Variants in EXT1 observed in about 807,000 individuals in gnomAD.
EXT1 encodes the protein exostosin-1.
In EXT1, 20 loss-of-function variants were observed where a neutral mutation model predicts 82.5. The observed-to-expected ratio is 0.24, with a 90% CI of 0.17 to 0.35. EXT1 has a LOEUF of 0.35. EXT1 is among the 10% of genes least tolerant of loss of function. The pLI is 1.00. For synonymous variants in EXT1, 348 were observed against 350.8 expected, an observed-to-expected ratio of 0.99 and a Z score of 0.09; for missense variants, 757 against 936.5, an observed-to-expected ratio of 0.81 and a Z score of 2.50.
intron 1 of EXT1, among the ~76,000 whole-genome samples, chr8:118,006,902 G>T (rs747487295): frequency 2.6e-5 from 4 of 152,170 alleles, no homozygotes; most frequent in African/African-American, 4.8e-5. Context: ...TGCAAGCGTA[G>T]GGCTGCCAAA....
At chr8:118,020,914 C>T (rs368291175) in intron 1 of EXT1, among the ~76,000 whole-genome samples, 40 of 152,292 alleles carry the variant, frequency 2.6e-4, no homozygotes, top group African/African-American at 8.9e-4. Context: ...GCAAATTCTT[C>T]GGCATCACGT....
rs17504246 is a variant in EXT1, at chr8:117,907,547, C to A, written c.963-70346G>T. Among the ~76,000 whole-genome samples, 389 of 152,274 alleles carry A rather than the reference C, an allele frequency of 2.6e-3. 2 individuals carry two copies. Among genetic ancestry groups the A allele is most frequent in the African/African-American group, 8.9e-3 (371 of 41,550 alleles). ...TTACTGTTGAGCACGCTAACACTTTCAGTAGTGACACTTAAAAATGGAAAG... is the reference window on the plus strand; with the variant it reads ...TTACTGTTGAGCACGCTAACACTTTAAGTAGTGACACTTAAAAATGGAAAG... On this transcript the variant is annotated intron_variant, in intron 1 of 10. Transcript: ENST00000378204.
intron 1 of EXT1, among the ~76,000 whole-genome samples, chr8:117,890,903 A>C (rs1231940578): frequency 6.6e-6 from 1 of 152,122 alleles, no homozygotes; most frequent in African/African-American, 2.4e-5. Flanking sequence ...AACCAGACAT[A>C]ATGGAGGGCA....
chr8:118,005,287 C>T (rs1815749960), intron 1 of EXT1, among the ~76,000 whole-genome samples: 1 of 152,178 alleles, frequency 6.6e-6, no homozygotes, highest in Admixed American at 6.5e-5. Context: ...TGTTATAGTG[C>T]TCAGCCCAAA....
Position 118,110,270 on chromosome 8 carries a change from G to A in EXT1, c.777C>T (p.Leu259=), listed in dbSNP as rs974372111. Residue 259 remains leucine, a synonymous_variant, in exon 1 of 11, where the codon CTC becomes CTT. Transcript: ENST00000378204. ...GFLKFNTIPP[L]RKYMLVFKGK... ...CCTTGAATACCAGCATGTACTTCCT[G>A]AGAGGAGGGATGGTGTTGAACTTCA... 6.2e-7 allele frequency: 1 copy of A among 1,614,112 alleles called. No homozygotes were observed. The highest frequency in any genetic ancestry group is 2.2e-5 in the East Asian group (1 of 44,872).
chr8:117,815,601 T>A (rs1334785813), intron 7 of EXT1, among the ~76,000 whole-genome samples: 4 of 152,128 alleles, frequency 2.6e-5, no homozygotes, highest in Admixed American at 2.0e-4. Flanking sequence ...TTAAGAAAGG[T>A]TTAGCTACCA....
intron 1 of EXT1, among the ~76,000 whole-genome samples, chr8:118,096,668 AAGGAAGGGAGGGAGGG>A (rs1563654929): frequency 1.1e-5 from 1 of 93,398 alleles, no homozygotes; most frequent in African/African-American, 5.3e-5. Flanking sequence ...GGAAGGAAGG[AAGGAAGGGAGGGAGGG>A]AGGGAGGGAA....
At chr8:117,980,731 T>TC (rs1815180360) in intron 1 of EXT1, among the ~76,000 whole-genome samples, 33 of 140,126 alleles carry the variant, frequency 2.4e-4, no homozygotes, top group African/African-American at 8.0e-4. Flanking sequence ...TTTTTTTTTT[T>TC]CCAGTGTGAG....
chr8:117,812,801 C>T (rs1823348948), intron 8 of EXT1, 71 bp downstream of exon 8: 2 of 1,320,730 alleles, frequency 1.5e-6, no homozygotes, highest in Non-Finnish European at 2.2e-6. Context: ...CTAAAAGAAG[C>T]ATTAGCATCG....
chr8:117,814,236 T>G (rs1273359724), intron 7 of EXT1, among the ~76,000 whole-genome samples: 1 of 105,982 alleles, frequency 9.4e-6, no homozygotes, highest in Non-Finnish European at 1.9e-5. Flanking sequence ...CACACAGTGG[T>G]GTGTGTGTGT....
At chr8:118,086,776 C>T (rs1195334171) in intron 1 of EXT1, among the ~76,000 whole-genome samples, 1 of 152,104 alleles carries the variant, frequency 6.6e-6, no homozygotes, top group Non-Finnish European at 1.5e-5. Context: ...ACTACTCAAA[C>T]AGGATATAAA....
chr8:118,103,146 T>G (rs1169195233), intron 1 of EXT1, among the ~76,000 whole-genome samples: 1 of 151,940 alleles, frequency 6.6e-6, no homozygotes, highest in African/African-American at 2.4e-5. Flanking sequence ...AGAGGGAAAC[T>G]CTGTCTCAAA....
chr8:117,939,777 T>C (rs1055561440), intron 1 of EXT1, among the ~76,000 whole-genome samples: 1 of 152,180 alleles, frequency 6.6e-6, no homozygotes, highest in African/African-American at 2.4e-5. Context: ...TATTCTGAGT[T>C]GTGCATACAT....
At chr8:117,951,161 G>C (rs1217845400) in intron 1 of EXT1, among the ~76,000 whole-genome samples, 1 of 152,194 alleles carries the variant, frequency 6.6e-6, no homozygotes, top group Non-Finnish European at 1.5e-5. Flanking sequence ...ATGTTTTAGA[G>C]TGTTATCGTG....
chr8:118,007,302 A>C (rs1297445933), intron 1 of EXT1, among the ~76,000 whole-genome samples: 9 of 152,076 alleles, frequency 5.9e-5, no homozygotes, highest in Non-Finnish European at 1.0e-4. Context: ...ATCTCAAAAA[A>C]AAAACAAAAA....
chr8:117,933,246 T>C (rs1814095962), intron 1 of EXT1, among the ~76,000 whole-genome samples: 2 of 151,836 alleles, frequency 1.3e-5, no homozygotes, highest in South Asian at 4.2e-4. Flanking sequence ...ATTTTTTTTT[T>C]TTTTTTTTTG....
chr8:117,916,456 A>G (rs1563600177), intron 1 of EXT1, among the ~76,000 whole-genome samples: 1 of 152,218 alleles, frequency 6.6e-6, no homozygotes, highest in Non-Finnish European at 1.5e-5. Flanking sequence ...CAAGAGATTT[A>G]TAGTTCTCAG....
chr8:118,110,453 G>C lies in EXT1; in HGVS notation c.594C>G (p.Gly198=). The change falls in exon 1 of 11, where the codon GGC becomes GGG. Residue 198 remains glycine, a synonymous_variant. Transcript: ENST00000378204. The part of the protein sequence containing the change: ...RNHLIFNLYS[G]TWPDYTEDVG... ...CGTCCTCGGTGTAGTCAGGCCAAGT[G>C]CCGGAATATAAATTAAAAATTAAAT... The C allele has an allele frequency of 1.9e-6, 3 of 1,614,136 alleles. No homozygotes were observed. Among genetic ancestry groups the C allele is most frequent in the Non-Finnish European group, 2.5e-6 (3 of 1,180,040 alleles).
At chr8:117,961,010 C>CT (rs753524495) in intron 1 of EXT1, among the ~76,000 whole-genome samples, 28 of 152,254 alleles carry the variant, frequency 1.8e-4, no homozygotes, top group Middle Eastern at 3.4e-3. Context: ...GTCATAAACT[C>CT]TTTTGTGGGA....
Sources: gnomAD v4.1 joint callset for allele counts (sites outside exome capture counted in the v4.1 genomes callset) on GRCh38, gnomAD v4.1.1 for gene constraint, MANE v1.5 for transcripts, NCBI Gene and HGNC (gene_info 2026-07-23, HGNC 2026-07-21) for gene names.